Variants in PGBD1 observed in about 807,000 individuals in gnomAD.
PGBD1 encodes piggyBac transposable element-derived protein 1.
Under a neutral mutation model 34.7 loss-of-function variants are expected in PGBD1, and 25 were observed. That is an observed-to-expected ratio of 0.72 (90% CI 0.52 to 1.00). The LOEUF is 1.00. Ranked by LOEUF, PGBD1 falls within the 50% of genes least tolerant of loss-of-function variation. PGBD1 has a pLI of 0.00. For synonymous variants in PGBD1, 292 were observed against 335.7 expected (o/e 0.87, Z 1.42); for missense variants, 830 against 959.4 (o/e 0.87, Z 1.78).
intron 4 of PGBD1, among the ~76,000 whole-genome samples, chr6:28,294,925 G>A (rs1283890963): frequency 6.6e-6 from 1 of 152,134 alleles, no homozygotes; most frequent in Non-Finnish European, 1.5e-5. Flanking sequence ...CATTTTTTAA[G>A]GCTATAGCTG....
rs1762137324 is a variant in PGBD1 at position 28,281,748 on chromosome 6, C to T, written c.-209C>T. 1 of 238,364 alleles carries T rather than the reference C, an allele frequency of 4.2e-6. No individual in the cohort carries two copies. Among genetic ancestry groups the T allele is most frequent in the East Asian group, 7.8e-5 (1 of 12,804 alleles). 14.8% of individuals were successfully genotyped at this position (238,364 alleles called of 1,614,324 possible). A position where few individuals can be genotyped will look rare whatever the true frequency, so the allele number is the denominator to read the frequency against. ...TGTGCGCGTTCCTGAACTTTTGGTC[C>T]ATTAACCAACAATTAGACACGCCGG... is the stretch of plus-strand genomic sequence containing the variant. On this transcript the variant is annotated 5_prime_UTR_variant, in exon 1 of 7. Transcript: ENST00000682144.
In PGBD1 at chr6:28,300,878, G is replaced by T; in HGVS notation, c.1024G>T (p.Gly342Trp). The T allele has an allele frequency of 1.9e-6, 3 of 1,614,008 alleles. No individual in the cohort carries two copies. The highest frequency in any genetic ancestry group is 2.5e-6 in the Non-Finnish European group (3 of 1,179,990). Residue 342 changes from glycine to tryptophan, a missense_variant, in exon 7 of 7, where the codon GGG becomes TGG. Gly to Trp is a radical substitution (Grantham distance 184). This residue lies in a region of PGBD1 where 457 missense variants were observed against 515.4 expected (regional missense o/e 0.89). Transcript: ENST00000682144. The surrounding 1 kb of genome is among the most constrained non-coding windows in gnomAD (Gnocchi z 4.0). ...TGCTGCAGGAGACATTACCCGAAAA[G>T]GGAGAAAAAAAGACAAAGCTCGAGT... The part of the protein sequence containing the change: ...EYAAGDITRK[G>W]RKKDKARVSE...
At position 28,296,889 on chromosome 6, in the gene PGBD1, G is replaced by A. The variant is rs115946459; in HGVS notation, c.716G>A (p.Arg239Gln). Residue 239 changes from arginine (R) to glutamine (Q), a missense_variant, in exon 5 of 7, where the codon CGG becomes CAG. By Grantham distance (43) the Arg-to-Gln change is conservative. Transcript: ENST00000682144. ...AAGTGGTCACATCTGAGTCTGACTC[G>A]GAGGAACCTCTGTGGGAACTCAGCT... ...AEKWSHLSLTRRNLCGNSAQE... is the reference protein window; with the variant it reads ...AEKWSHLSLTQRNLCGNSAQE... 36 of 1,614,014 alleles carry A rather than the reference G, an allele frequency of 2.2e-5. No individual in the cohort carries two copies. The highest frequency in any genetic ancestry group is 4.5e-5 in the East Asian group (2 of 44,890).
chr6:28,288,206 A>T (rs987376566), intron 4 of PGBD1, among the ~76,000 whole-genome samples: 21 of 152,192 alleles, frequency 1.4e-4, no homozygotes, highest in African/African-American at 4.8e-4. Flanking sequence ...AGATGTTGTA[A>T]ATTGAATTAT....
At chr6:28,284,296 C>G in intron 2 of PGBD1, 87 bp downstream of exon 2, 3 of 1,337,560 alleles carry the variant, frequency 2.2e-6, no homozygotes, top group Non-Finnish European at 3.0e-6. Context: ...TGAAATAACT[C>G]CTAATTTATA....
At chr6:28,298,982 G>A (rs1022904461) in intron 6 of PGBD1, among the ~76,000 whole-genome samples, 1 of 152,142 alleles carries the variant, frequency 6.6e-6, no homozygotes, top group African/African-American at 2.4e-5. Flanking sequence ...ATTGACATTT[G>A]TTTAACTTAG....
chr6:28,298,236 C>G (rs957005643), intron 6 of PGBD1, among the ~76,000 whole-genome samples: 1 of 152,152 alleles, frequency 6.6e-6, no homozygotes, highest in Non-Finnish European at 1.5e-5. Flanking sequence ...CTGATCCAGT[C>G]TGTCCTGCTT....
At chr6:28,285,434 T>G (rs1242623415) in intron 2 of PGBD1, 117 bp from the exon 3 acceptor site, 2 of 1,118,350 alleles carry the variant, frequency 1.8e-6, no homozygotes, top group Non-Finnish European at 2.5e-6. Flanking sequence ...GCTGGGATCC[T>G]TTGCCTGTCT....
At position 28,300,904 on chromosome 6, in the gene PGBD1, G is replaced by A; in HGVS notation, c.1050G>A (p.Val350=). Residue 350 remains valine (V), a synonymous_variant, in exon 7 of 7, where the codon GTG becomes GTA. Coordinates refer to ENST00000682144, the MANE Select transcript of PGBD1 (RefSeq NM_032507.4). The surrounding 1 kb of genome is among the most constrained non-coding windows in gnomAD (Gnocchi z 4.0). ...GGAGAAAAAAAGACAAAGCTCGAGT[G>A]AGTGAACTGCTCCAAGGCCTCTCAT... ...RKGRKKDKAR[V]SELLQGLSFS... 1.2e-6 allele frequency: 2 copies of A among 1,614,134 alleles called. No homozygotes were observed. The highest frequency in any genetic ancestry group is 1.7e-6 in the Non-Finnish European group (2 of 1,180,030).
At chr6:28,295,388 G>A (rs1230679196) in intron 4 of PGBD1, among the ~76,000 whole-genome samples, 1 of 152,200 alleles carries the variant, frequency 6.6e-6, no homozygotes, top group Non-Finnish European at 1.5e-5. Flanking sequence ...AATTTTGAAA[G>A]AAGTTCTACT....
Position 28,302,105 on chromosome 6 carries a change from G to T in PGBD1, c.2251G>T (p.Val751Leu). 2 of 1,614,098 alleles carry T rather than the reference G, an allele frequency of 1.2e-6. No homozygotes were observed. The highest frequency in any genetic ancestry group is 1.6e-4 in the Middle Eastern group (1 of 6,062). ...KMDQIISKYR[V>L]RIRSKKWYSI... Reference sequence around the variant, plus strand: ...GGATCAAATTATTTCGAAATACAGGGTGAGGATAAGAAGCAAGAAATGGTA... The same window carrying T: ...GGATCAAATTATTTCGAAATACAGGTTGAGGATAAGAAGCAAGAAATGGTA... The change falls in exon 7 of 7, where the codon GTG (valine) becomes TTG (leucine). Residue 751 changes from valine (V) to leucine (L), a missense_variant. Physicochemically the swap from Val to Leu is conservative, Grantham distance 32 (BLOSUM62 1). Coordinates refer to ENST00000682144, the MANE Select transcript of PGBD1 (RefSeq NM_032507.4).
At chr6:28,290,817 CGTGGAAA>C (rs1762425613) in intron 4 of PGBD1, among the ~76,000 whole-genome samples, 1 of 151,792 alleles carries the variant, frequency 6.6e-6, no homozygotes, top group Non-Finnish European at 1.5e-5. Flanking sequence ...TACACAAACG[CGTGGAAA>C]TTAAATAGCA....
At chr6:28,286,567 C>G (rs1020336134) in intron 3 of PGBD1, among the ~76,000 whole-genome samples, 1 of 152,172 alleles carries the variant, frequency 6.6e-6, no homozygotes, top group Non-Finnish European at 1.5e-5. Context: ...ATTGTTGGTT[C>G]TTTGGGATCA....
chr6:28,293,932 G>C (rs1483358624), intron 4 of PGBD1, among the ~76,000 whole-genome samples: 4 of 152,092 alleles, frequency 2.6e-5, no homozygotes, highest in African/African-American at 7.2e-5. Context: ...TGCCTCTCAG[G>C]TTCAATAAAA....
In PGBD1 at chr6:28,287,156, A is replaced by G; in HGVS notation, c.630A>G (p.Pro210=). Residue 210 remains proline (P), a synonymous_variant, in exon 4 of 7, where the codon CCA becomes CCG. Transcript: ENST00000682144. The stretch of plus-strand genomic sequence containing the variant: ...AGGCTGTAGTGCCTGTGTTTAACCC[A>G]GTCAGGTCCCAGGTAAGTAGGATGC... ...RDKAVVPVFN[P]VRSQTLVKTE... is the part of the protein sequence containing the mutation. 1.2e-6 allele frequency: 2 copies of G among 1,613,328 alleles called. No individual in the cohort carries two copies. The highest frequency in any genetic ancestry group is 1.1e-5 in the South Asian group (1 of 91,064).
intron 4 of PGBD1, among the ~76,000 whole-genome samples, chr6:28,295,493 A>G (rs1273874568): frequency 6.6e-6 from 1 of 152,192 alleles, no homozygotes; most frequent in Non-Finnish European, 1.5e-5. Context: ...CTGTTGTCTT[A>G]TTTTAAGCAA....
intron 2 of PGBD1, among the ~76,000 whole-genome samples, chr6:28,284,481 A>AT (rs1470919185): frequency 6.0e-5 from 9 of 150,916 alleles, no homozygotes; most frequent in Non-Finnish European, 1.2e-4. Flanking sequence ...CATATGCAGT[A>AT]TTTTTTTTTC....
rs2113740368 is a variant in PGBD1 at position 28,283,756 on chromosome 6, A to T, written c.-38-20A>T. ...TTGCTGATAAATTCTTATGCCTCAG[A>T]TCTCTATTTCTGAATATAGACCCCA... On this transcript the variant is annotated intron_variant, in intron 1 of 6. Coordinates refer to ENST00000682144, the MANE Select transcript of PGBD1 (RefSeq NM_032507.4). 5.3e-6 allele frequency: 8 copies of T among 1,501,628 alleles called. No individual in the cohort carries two copies. In the South Asian group the frequency reaches 1.1e-4, roughly 20 times the overall value. 93.0% of individuals were successfully genotyped at this position (1,501,628 alleles called of 1,614,324 possible).
intron 4 of PGBD1, among the ~76,000 whole-genome samples, chr6:28,292,917 C>T (rs1762506384): frequency 6.6e-6 from 1 of 151,938 alleles, no homozygotes; most frequent in African/African-American, 2.4e-5. Context: ...GAAAATTATC[C>T]CATGGAGCTT....
Sources: allele counts gnomAD v4.1 joint callset (sites outside exome capture counted in the v4.1 genomes callset), GRCh38; gene constraint gnomAD v4.1.1; regional missense constraint gnomAD v4.1.1; non-coding constraint Gnocchi (gnomAD v3.1); transcripts MANE v1.5; gene names NCBI Gene and HGNC (gene_info 2026-07-23, HGNC 2026-07-21).